SLCO2B1: variants seen among roughly 807,000 people sequenced by gnomAD.
SLCO2B1 encodes the protein OATP-RP2.
Under a neutral mutation model 67.3 loss-of-function variants are expected in SLCO2B1, and 41 were observed. That is an observed-to-expected ratio of 0.61 (90% confidence interval 0.47 to 0.79). The LOEUF is 0.79. SLCO2B1 is among the 30% of genes least tolerant of loss of function. The pLI is 0.00. For missense variants in SLCO2B1, 837 were observed against 920.1 expected, an observed-to-expected ratio of 0.91 and a Z score of 1.17; for synonymous variants, 379 against 381.4, an observed-to-expected ratio of 0.99 and a Z score of 0.07.
intron 1 of SLCO2B1, among the ~76,000 whole-genome samples, chr11:75,154,106 A>G (rs965199525): frequency 6.6e-6 from 1 of 151,324 alleles, no homozygotes; most frequent in Admixed American, 6.6e-5. Context: ...ACGTATTTTT[A>G]GTAGAGATGG....
intron 1 of SLCO2B1, chr11:75,159,920 G>A: frequency 1.0e-6 from 1 of 954,394 alleles, no homozygotes; most frequent in Non-Finnish European, 1.2e-6. Flanking sequence ...CAGGCTCCAT[G>A]AGTGGGCAGG....
At position 75,172,537 on chromosome 11, in the gene SLCO2B1, G is replaced by C; in HGVS notation, c.940G>C (p.Val314Leu). 6.2e-7 allele frequency: 1 copy of C among 1,614,172 alleles called. No homozygotes were observed. Among genetic ancestry groups the C allele is most frequent in the Non-Finnish European group, 8.5e-7 (1 of 1,180,018 alleles). Residue 314 changes from valine to leucine, a missense_variant, in exon 7 of 14, where the codon GTC becomes CTC. Val to Leu is a conservative substitution (Grantham distance 32). Transcript: ENST00000289575. The part of the protein sequence containing the change: ...EKRELQFRRK[V>L]LAVTDSPARK... ...ACGTGAGCTTCAGTTTCGGCGAAAG[G>C]TCTTAGCAGTCACAGACTCACCTGC...
chr11:75,166,030 A>G lies in SLCO2B1; in HGVS notation c.448+81A>G, dbSNP rs1949887261. On this transcript the variant is annotated intron_variant, in intron 4 of 13. Transcript: ENST00000289575. ...GCTGGGGCCCACCCCACAGGCATTC[A>G]TCTGGCAGGATACACCCCAAAACCT... 6 of 1,479,514 alleles carry G rather than the reference A, an allele frequency of 4.1e-6. No homozygotes were observed. In the Admixed American group the frequency reaches 7.7e-5, roughly 19 times the overall value. The allele number at this position is 1,479,514 out of a possible 1,614,324, so 91.6% of individuals were successfully genotyped here.
intron 1 of SLCO2B1, among the ~76,000 whole-genome samples, chr11:75,156,725 C>T (rs1254116121): frequency 6.6e-6 from 1 of 152,214 alleles, no homozygotes; most frequent in African/African-American, 2.4e-5. Flanking sequence ...ATAGGCAGAG[C>T]AGCCCCGAGG....
chr11:75,195,553 C>T (rs748608413), intron 9 of SLCO2B1, among the ~76,000 whole-genome samples: 1 of 152,122 alleles, frequency 6.6e-6, no homozygotes, highest in Non-Finnish European at 1.5e-5. Flanking sequence ...CACACCCTGG[C>T]TAGAGACTGT....
intron 11 of SLCO2B1, chr11:75,200,954 G>A (rs982800351): frequency 1.3e-5 from 2 of 151,136 alleles, no homozygotes; most frequent in African/African-American, 4.9e-5. Context: ...TGTCACCTGA[G>A]TTCAAAGTCA....
At chr11:75,177,191 C>T (rs1375917612) in intron 7 of SLCO2B1, among the ~76,000 whole-genome samples, 1 of 152,064 alleles carries the variant, frequency 6.6e-6, no homozygotes, top group Non-Finnish European at 1.5e-5. Context: ...CACACACACA[C>T]ACACACACTT....
chr11:75,197,060 A>C (rs944451007), intron 10 of SLCO2B1, among the ~76,000 whole-genome samples: 2 of 152,192 alleles, frequency 1.3e-5, no homozygotes, highest in African/African-American at 4.8e-5. Context: ...AGGTTGCAGT[A>C]AGCTGAGATC....
intron 1 of SLCO2B1, among the ~76,000 whole-genome samples, chr11:75,154,832 C>T (rs967827026): frequency 2.0e-5 from 3 of 152,160 alleles, no homozygotes; most frequent in South Asian, 4.1e-4. Flanking sequence ...CTTCATGATC[C>T]GAGTGAGATG....
intron 3 of SLCO2B1, 143 bp from the exon 4 acceptor site, chr11:75,165,644 G>T: frequency 3.1e-6 from 3 of 968,210 alleles, no homozygotes; most frequent in Non-Finnish European, 4.7e-6. Context: ...TTCCGAGGGG[G>T]ACCCAGGAGA....
At position 75,205,957 on chromosome 11, in the gene SLCO2B1, TGGC is replaced by T. The variant is rs1945271961; in HGVS notation, c.*1378_*1380del. ...GGTGGGGGGAAGCTGGGGGCACATGTGGCCCTTGCCTTCTGAGCAGCTCCCAGT... is the reference window on the plus strand; with the variant it reads ...GGTGGGGGGAAGCTGGGGGCACATGTCCTTGCCTTCTGAGCAGCTCCCAGT... On this transcript the variant is annotated 3_prime_UTR_variant, in exon 14 of 14. Transcript: ENST00000289575. 1 of 152,228 alleles carries T rather than the reference TGGC, an allele frequency of 6.6e-6. No individual in the cohort carries two copies. The highest frequency in any genetic ancestry group is 6.5e-5 in the Admixed American group (1 of 15,288). 9.4% of individuals were successfully genotyped at this position (152,228 alleles called of 1,614,324 possible).
chr11:75,165,752 G>A (rs757579656), intron 3 of SLCO2B1, 35 bp from the exon 4 acceptor site: 5 of 1,610,670 alleles, frequency 3.1e-6, no homozygotes, highest in Non-Finnish European at 3.4e-6. Flanking sequence ...CCTGGGAACT[G>A]TTCCACCTTA....
At chr11:75,183,187 A>T (rs1035349219) in intron 7 of SLCO2B1, among the ~76,000 whole-genome samples, 1 of 152,240 alleles carries the variant, frequency 6.6e-6, no homozygotes, top group African/African-American at 2.4e-5. Flanking sequence ...CACTATATCT[A>T]AAATATTCTT....
chr11:75,169,390 C>T lies in SLCO2B1; in HGVS notation c.666C>T (p.Asn222=), dbSNP rs1310745979. The T allele has an allele frequency of 1.3e-6, 2 of 1,599,862 alleles. No homozygotes were observed. The highest frequency in any genetic ancestry group is 3.4e-5 in the Admixed American group (2 of 59,654). The change falls in exon 5 of 14, where the codon AAC becomes AAT. Residue 222 remains asparagine, a synonymous_variant. Transcript: ENST00000289575. The part of the protein sequence containing the change: ...SYIDDFAHNS[N]SPLYLGILFA... Reference sequence around the variant, plus strand: ...TCGATGACTTTGCCCACAACAGCAACTCGCCCCTCTACCTCGGTGAGGACC... The same window carrying T: ...TCGATGACTTTGCCCACAACAGCAATTCGCCCCTCTACCTCGGTGAGGACC...
chr11:75,200,616 C>G, intron 11 of SLCO2B1: 1 of 464,434 alleles, frequency 2.2e-6, no homozygotes, highest in Non-Finnish European at 3.8e-6. Context: ...AGCTGGCCCC[C>G]ATCACATAGC....
intron 7 of SLCO2B1, among the ~76,000 whole-genome samples, chr11:75,186,026 A>G (rs1309674789): frequency 6.6e-6 from 1 of 152,138 alleles, no homozygotes; most frequent in Non-Finnish European, 1.5e-5. Flanking sequence ...AGAGGCTAAG[A>G]ATGCCTGACT....
chr11:75,165,303 A>G (rs1011374626), intron 3 of SLCO2B1, among the ~76,000 whole-genome samples: 3 of 152,078 alleles, frequency 2.0e-5, no homozygotes, highest in Non-Finnish European at 4.4e-5. Context: ...ATGGTGGCGC[A>G]TGCCTGTAAT....
chr11:75,155,428 T>G (rs953267681), intron 1 of SLCO2B1, among the ~76,000 whole-genome samples: 1 of 152,096 alleles, frequency 6.6e-6, no homozygotes, highest in Non-Finnish European at 1.5e-5. Flanking sequence ...AGCCTTCTCT[T>G]CCCCTTCATT....
chr11:75,183,249 A>G (rs1487344500), intron 7 of SLCO2B1, among the ~76,000 whole-genome samples: 2 of 152,088 alleles, frequency 1.3e-5, no homozygotes, highest in Admixed American at 6.6e-5. Flanking sequence ...TCCTTTTTTC[A>G]TACTAAGTCT....
Sources: gnomAD v4.1 joint callset for allele counts (sites outside exome capture counted in the v4.1 genomes callset) on GRCh38, gnomAD v4.1.1 for gene constraint, MANE v1.5 for transcripts, NCBI Gene and HGNC (gene_info 2026-07-23, HGNC 2026-07-21) for gene names.